The following OPA1 variants were observed in gnomAD, a reference collection of about 807,000 sequenced individuals.
The protein encoded by OPA1 is OPA1 mitochondrial dynamin like GTPase, also known as dynamin-like GTPase OPA1, mitochondrial.
Under a neutral mutation model 152.9 loss-of-function variants are expected in OPA1, and 59 were observed. That is an observed-to-expected ratio of 0.39 (90% confidence interval 0.31 to 0.48). The LOEUF (loss-of-function observed/expected upper bound fraction) is 0.48, where lower values mean the gene tolerates loss of function less well. OPA1 is among the 20% of genes least tolerant of loss of function. The pLI, the probability that OPA1 is intolerant of heterozygous loss-of-function variation, is 0.96. For missense variants in OPA1, 1,008 were observed against 1,216.8 expected, an observed-to-expected ratio of 0.83 and a Z score of 2.55; for synonymous variants, 400 against 389.9, an observed-to-expected ratio of 1.03 and a Z score of -0.31.
In OPA1 at chr3:193,644,110, G is replaced by A. The variant is rs376673283; in HGVS notation, c.1608+5G>A. Reference sequence around the variant, plus strand: ...AATGTAGCCAGTCCAAGCAGGGTGAGGTCAAATTCTTTGTTGCGAGAATAG... The same window carrying A: ...AATGTAGCCAGTCCAAGCAGGGTGAAGTCAAATTCTTTGTTGCGAGAATAG... On this transcript the variant is annotated splice_donor_5th_base_variant and intron_variant, in intron 16 of 30. Transcript: ENST00000361510. 3 of 1,613,234 alleles carry A rather than the reference G, an allele frequency of 1.9e-6. No homozygotes were observed. Among genetic ancestry groups the A allele is most frequent in the Admixed American group, 3.3e-5 (2 of 59,988 alleles).
intron 11 of OPA1, among the ~76,000 whole-genome samples, chr3:193,641,512 G>A (rs183670707): frequency 1.1e-3 from 171 of 152,196 alleles, no homozygotes; most frequent in African/African-American, 3.9e-3. Flanking sequence ...TGGGATTGTG[G>A]CACCTTAAGA....
At chr3:193,601,768 G>A (rs895015448) in intron 1 of OPA1, among the ~76,000 whole-genome samples, 8 of 152,196 alleles carry the variant, frequency 5.3e-5, no homozygotes, top group Non-Finnish European at 1.0e-4. Context: ...GACTTTATCA[G>A]TTGAAAAAGA....
intron 1 of OPA1, among the ~76,000 whole-genome samples, chr3:193,608,900 A>G (rs1267612636): frequency 2.0e-5 from 3 of 152,034 alleles, no homozygotes; most frequent in East Asian, 1.9e-4. Flanking sequence ...TATTGGTTGC[A>G]TATATATTTA....
chr3:193,684,045 A>G (rs1040537411), intron 29 of OPA1, among the ~76,000 whole-genome samples: 7 of 152,190 alleles, frequency 4.6e-5, no homozygotes, highest in African/African-American at 1.4e-4. Flanking sequence ...GCCATCAGAC[A>G]ACAACACAGC....
Position 193,648,846 on chromosome 3 carries a change from C to A in OPA1, c.1987C>A (p.Leu663Met). ...TGAAATCCTTGATGAAGTTATCAGT[C>A]TGAGCCAGGTTACACCAAAACATTG... ...KNEILDEVIS[L>M]SQVTPKHWEE... The change falls in exon 21 of 31, where the codon CTG becomes ATG. Residue 663 changes from leucine (L) to methionine (M), a missense_variant. Transcript: ENST00000361510. The A allele has an allele frequency of 6.2e-7, 1 of 1,608,960 alleles. No homozygotes were observed. The highest frequency in any genetic ancestry group is 1.1e-5 in the South Asian group (1 of 90,930).
chr3:193,692,099 T>A lies in OPA1; in HGVS notation c.3020T>A (p.Phe1007Tyr). The A allele has an allele frequency of 6.4e-7, 1 of 1,552,588 alleles. No homozygotes were observed. Among genetic ancestry groups the A allele is most frequent in the Non-Finnish European group, 8.8e-7 (1 of 1,134,780 alleles). ...GAAATTCAAGAAAAACTTGATGCTT[T>A]CATTGAAGCTCTTCATCAGGAGAAA... ...VREIQEKLDAFIEALHQEK is the reference protein window; with the variant it reads ...VREIQEKLDAYIEALHQEK Residue 1007 changes from phenylalanine (F) to tyrosine (Y), a missense_variant, in exon 30 of 31, where the codon TTC (phenylalanine) becomes TAC (tyrosine). Phe to Tyr is a conservative substitution (Grantham distance 22, BLOSUM62 3). Coordinates refer to ENST00000361510, the MANE Select transcript of OPA1 (RefSeq NM_130837.3).
At chr3:193,682,553 C>T (rs1364696785) in intron 29 of OPA1, among the ~76,000 whole-genome samples, 1 of 152,036 alleles carries the variant, frequency 6.6e-6, no homozygotes, top group Non-Finnish European at 1.5e-5. Context: ...GAGGCTATCC[C>T]CTCATTTTGG....
chr3:193,661,382 T>C (rs1254600017), intron 25 of OPA1, among the ~76,000 whole-genome samples: 1 of 152,196 alleles, frequency 6.6e-6, no homozygotes, highest in Admixed American at 6.5e-5. Flanking sequence ...GCTAGCCTCA[T>C]GTCAGACTCA....
At chr3:193,637,032 G>A (rs553451957) in intron 9 of OPA1, among the ~76,000 whole-genome samples, 163 bp from the exon 10 acceptor site, 13 of 152,128 alleles carry the variant, frequency 8.5e-5, no homozygotes, top group African/African-American at 2.2e-4. Flanking sequence ...AATCTGTACC[G>A]TTTTAGTTTT....
chr3:193,632,688 G>A (rs1732277854), intron 8 of OPA1, among the ~76,000 whole-genome samples: 1 of 151,848 alleles, frequency 6.6e-6, no homozygotes, highest in East Asian at 1.9e-4. Context: ...GGGCAACCCG[G>A]AGAAACCCCG....
Position 193,626,300 on chromosome 3 carries a change from A to G in OPA1, c.789+98A>G. 6.0e-6 allele frequency: 5 copies of G among 832,152 alleles called. No individual in the cohort carries two copies. The Admixed American group carries it at 6.1e-5, about 10-fold the overall frequency. 51.5% of individuals were successfully genotyped at this position (832,152 alleles called of 1,614,324 possible). Reference sequence around the variant, plus strand: ...CAATCTGTTCATGGACTCCAAATACAAGAAATTAATTTGACAAAGTGAAAA... The same window carrying G: ...CAATCTGTTCATGGACTCCAAATACGAGAAATTAATTTGACAAAGTGAAAA... On this transcript the variant is annotated intron_variant, in intron 7 of 30. Transcript: ENST00000361510.
chr3:193,603,142 T>A (rs1293226237), intron 1 of OPA1, among the ~76,000 whole-genome samples: 1 of 152,220 alleles, frequency 6.6e-6, no homozygotes, highest in African/African-American at 2.4e-5. Context: ...TTTGGATCAC[T>A]TTGTCTGTTC....
chr3:193,645,264 A>T (rs560321382), intron 16 of OPA1, among the ~76,000 whole-genome samples: 2 of 152,334 alleles, frequency 1.3e-5, no homozygotes, highest in South Asian at 4.1e-4. Flanking sequence ...TTAAGGTCGC[A>T]TAACTACTAG....
intron 3 of OPA1, 41 bp from the exon 4 acceptor site, chr3:193,617,137 T>C: frequency 1.7e-6 from 2 of 1,202,684 alleles, no homozygotes; most frequent in Non-Finnish European, 2.5e-6. Flanking sequence ...ATCTGACATA[T>C]TTTCTTAGTT....
At chr3:193,632,277 C>T (rs1732202614) in intron 8 of OPA1, among the ~76,000 whole-genome samples, 2 of 152,116 alleles carry the variant, frequency 1.3e-5, no homozygotes, top group African/African-American at 4.8e-5. Flanking sequence ...GTCAGGAGAT[C>T]GAGACCATCC....
chr3:193,677,238 A>G (rs1464647418), intron 29 of OPA1, among the ~76,000 whole-genome samples: 1 of 150,686 alleles, frequency 6.6e-6, no homozygotes, highest in African/African-American at 2.4e-5. Flanking sequence ...CTATTGTGAA[A>G]ATACTCTTAA....
chr3:193,643,134 T>C, intron 13 of OPA1, 85 bp downstream of exon 13: 1 of 1,115,744 alleles, frequency 9.0e-7, no homozygotes, highest in Non-Finnish European at 1.3e-6. Flanking sequence ...GGTATTGATG[T>C]TTAGATTGCT....
intron 4 of OPA1, among the ~76,000 whole-genome samples, chr3:193,617,517 A>AG (rs1287527468): frequency 3.9e-5 from 6 of 152,208 alleles, no homozygotes; most frequent in Non-Finnish European, 7.4e-5. Context: ...GCTTTTAGTG[A>AG]GGGGAAAAAA....
chr3:193,627,282 G>A (rs1201395898), intron 7 of OPA1: 1 of 152,054 alleles, frequency 6.6e-6, no homozygotes, highest in Non-Finnish European at 1.5e-5. Context: ...CAATTCCATG[G>A]CTGTGGAATC....
Sources: allele counts gnomAD v4.1 joint callset (sites outside exome capture counted in the v4.1 genomes callset), GRCh38; gene constraint gnomAD v4.1.1; transcripts MANE v1.5; gene names NCBI Gene and HGNC (gene_info 2026-07-23, HGNC 2026-07-21).